Variants in COMMD7 observed in about 807,000 individuals in gnomAD.
COMMD7 encodes the protein COMM domain containing 7.
A neutral mutation model predicts 34.8 loss-of-function variants in COMMD7; 28 were observed. That is an observed-to-expected ratio of 0.80 (90% CI 0.60 to 1.10). COMMD7 has a LOEUF of 1.10. Among genes scored for constraint, COMMD7 ranks in the 50% least tolerant of loss-of-function variants. COMMD7 has a pLI of 0.00. For missense variants in COMMD7, 211 were observed against 241.6 expected (o/e 0.87, Z 0.84); for synonymous variants, 80 against 86.4 (o/e 0.93, Z 0.41).
chr20:32,721,497 C>G (rs1056412551), intron 3 of COMMD7, among the ~76,000 whole-genome samples: 1 of 152,046 alleles, frequency 6.6e-6, no homozygotes, highest in Non-Finnish European at 1.5e-5. Context: ...GTAATCCCAG[C>G]ACTTTGGGAG....
At position 32,727,887 on chromosome 20, in the gene COMMD7, A is replaced by G; in HGVS notation, c.241+6T>C. 1 of 1,597,468 alleles carries G rather than the reference A, an allele frequency of 6.3e-7. No homozygotes were observed. The highest frequency in any genetic ancestry group is 8.6e-7 in the Non-Finnish European group (1 of 1,164,908). On this transcript the variant is annotated splice_donor_region_variant and intron_variant, in intron 3 of 8. Coordinates refer to ENST00000278980, the MANE Select transcript of COMMD7 (RefSeq NM_053041.3). Reference sequence around the variant, plus strand: ...CTGGCCACAGCTGCTAAGAGAGGTTACTCACCATTTGGAACCAGAAGGAGG... The same window carrying G: ...CTGGCCACAGCTGCTAAGAGAGGTTGCTCACCATTTGGAACCAGAAGGAGG...
intron 3 of COMMD7, among the ~76,000 whole-genome samples, chr20:32,723,128 C>T (rs1568785448): frequency 1.9e-5 from 1 of 51,570 alleles, no homozygotes; most frequent in Admixed American, 1.4e-4. Context: ...CCCTCTCCCT[C>T]CCTCTCCGTC....
intron 5 of COMMD7, among the ~76,000 whole-genome samples, chr20:32,705,742 C>A (rs1984041285): frequency 6.6e-6 from 1 of 152,070 alleles, no homozygotes; most frequent in Non-Finnish European, 1.5e-5. Flanking sequence ...TTGACTGGGT[C>A]AAATCAGGAG....
chr20:32,717,504 T>C (rs540931176), intron 3 of COMMD7, among the ~76,000 whole-genome samples: 32 of 152,090 alleles, frequency 2.1e-4, no homozygotes, highest in Admixed American at 8.5e-4. Context: ...TTTTGTATTT[T>C]TAGTAGAGAC....
At chr20:32,736,858 G>T (rs1015421499) in intron 1 of COMMD7, among the ~76,000 whole-genome samples, 6 of 151,560 alleles carry the variant, frequency 4.0e-5, no homozygotes, top group African/African-American at 1.5e-4. Context: ...TGGGCAACAT[G>T]GCACAACCCC....
At chr20:32,704,382 T>TG (rs2145703173) in intron 7 of COMMD7, 58 bp downstream of exon 7, 4 of 1,433,572 alleles carry the variant, frequency 2.8e-6, no homozygotes, top group African/African-American at 1.4e-5. Flanking sequence ...CCAATGTAGA[T>TG]ATAATTTTTA....
At chr20:32,713,624 C>T (rs893297349) in intron 3 of COMMD7, among the ~76,000 whole-genome samples, 3 of 152,150 alleles carry the variant, frequency 2.0e-5, no homozygotes, top group African/African-American at 7.2e-5. Context: ...CTGAAGCCAC[C>T]CTGTGAGGCT....
intron 7 of COMMD7, among the ~76,000 whole-genome samples, 174 bp from the exon 8 acceptor site, chr20:32,704,245 C>T (rs571822522): frequency 1.3e-5 from 2 of 152,070 alleles, no homozygotes; most frequent in Admixed American, 6.6e-5. Flanking sequence ...AATCACGCAT[C>T]AATGAATAAC....
chr20:32,728,185 C>G (rs1568789392), intron 1 of COMMD7, 43 bp from the exon 2 acceptor site: 3 of 1,604,034 alleles, frequency 1.9e-6, no homozygotes, highest in Non-Finnish European at 2.6e-6. Context: ...ATTTCTACTA[C>G]TGGGTCAGCA....
chr20:32,728,257 G>T, intron 1 of COMMD7, 115 bp from the exon 2 acceptor site: 1 of 897,928 alleles, frequency 1.1e-6, no homozygotes, highest in Non-Finnish European at 1.8e-6. Flanking sequence ...CAGGTGTTAT[G>T]CCTGTTCTGA....
intron 6 of COMMD7, 21 bp from the exon 7 acceptor site, chr20:32,704,510 AAG>A (rs750068657): frequency 1.3e-4 from 151 of 1,130,918 alleles, no homozygotes; most frequent in Admixed American, 4.7e-4. Context: ...AAAAAAAAAA[AAG>A]AGAGAGAGAG....
chr20:32,726,064 A>C (rs1344601902), intron 3 of COMMD7, among the ~76,000 whole-genome samples: 19 of 43,888 alleles, frequency 4.3e-4, no homozygotes, highest in African/African-American at 1.5e-3. Context: ...GCCTGTCTCA[A>C]AAAAAAAAAA....
chr20:32,736,911 T>G (rs1041138093), intron 1 of COMMD7, among the ~76,000 whole-genome samples: 6 of 152,082 alleles, frequency 3.9e-5, no homozygotes, highest in Non-Finnish European at 5.9e-5. Flanking sequence ...CTGGGCACCA[T>G]GGCTCATGCC....
chr20:32,720,868 A>C (rs576377134), intron 3 of COMMD7, among the ~76,000 whole-genome samples: 1 of 152,120 alleles, frequency 6.6e-6, no homozygotes, highest in Non-Finnish European at 1.5e-5. Flanking sequence ...AATTCTATTC[A>C]ATTCGCTCTG....
chr20:32,743,058 C>T (rs1601015949), intron 1 of COMMD7, among the ~76,000 whole-genome samples: 1 of 152,114 alleles, frequency 6.6e-6, no homozygotes, highest in African/African-American at 2.4e-5. Flanking sequence ...CTCTGAGACC[C>T]CACAAAGCCT....
At chr20:32,705,937 G>A (rs906262886) in intron 5 of COMMD7, among the ~76,000 whole-genome samples, 1 of 152,054 alleles carries the variant, frequency 6.6e-6, no homozygotes, top group Non-Finnish European at 1.5e-5. Context: ...GGTGGTTCAC[G>A]ACTGTAATCC....
At chr20:32,726,518 A>T (rs867003621) in intron 3 of COMMD7, among the ~76,000 whole-genome samples, 5 of 152,162 alleles carry the variant, frequency 3.3e-5, no homozygotes, top group Middle Eastern at 3.4e-3. Flanking sequence ...CCTGTCCAAC[A>T]TGGTGAAACC....
intron 1 of COMMD7, among the ~76,000 whole-genome samples, chr20:32,731,682 T>C (rs1985849970): frequency 6.6e-6 from 1 of 152,186 alleles, no homozygotes; most frequent in Non-Finnish European, 1.5e-5. Context: ...GAAGTTTCCT[T>C]ATATGGCATT....
intron 1 of COMMD7, among the ~76,000 whole-genome samples, chr20:32,737,064 C>G (rs1986165287): frequency 6.6e-6 from 1 of 151,836 alleles, no homozygotes; most frequent in African/African-American, 2.4e-5. Context: ...CACCTGTAGT[C>G]CCAGCCACTC....
Sources: gnomAD v4.1 joint callset for allele counts (sites outside exome capture counted in the v4.1 genomes callset) on GRCh38, gnomAD v4.1.1 for gene constraint, MANE v1.5 for transcripts, NCBI Gene and HGNC (gene_info 2026-07-23, HGNC 2026-07-21) for gene names.